The following ARHGAP8 variants were observed in gnomAD, a reference collection of about 807,000 sequenced individuals.
ARHGAP8 encodes Rho GTPase activating protein 8, also known as rho GTPase-activating protein 8.
In ARHGAP8, 62 loss-of-function variants were observed where a neutral mutation model predicts 46.1. That is an observed-to-expected ratio of 1.34 (90% confidence interval 1.10 to 1.66). The LOEUF (loss-of-function observed/expected upper bound fraction) is 1.66, where lower values mean the gene tolerates loss of function less well. Among genes scored for constraint, ARHGAP8 ranks in the 40% most tolerant of loss-of-function variants. The pLI is 0.00. For synonymous variants in ARHGAP8, 375 were observed against 243.1 expected (o/e 1.54, Z -5.05); for missense variants, 923 against 568.4 (o/e 1.62, Z -6.34).
intron 9 of ARHGAP8, among the ~76,000 whole-genome samples, 189 bp downstream of exon 9, chr22:44,848,239 G>T (rs1473684749): frequency 6.6e-6 from 1 of 152,238 alleles, no homozygotes; most frequent in Non-Finnish European, 1.5e-5. Flanking sequence ...GGGACCTTTT[G>T]TCCAGACCCC....
intron 7 of ARHGAP8, among the ~76,000 whole-genome samples, chr22:44,832,487 A>G (rs1931015789): frequency 6.6e-6 from 1 of 152,034 alleles, no homozygotes; most frequent in Admixed American, 6.6e-5. Flanking sequence ...CAGCCTCCCA[A>G]AGTGCTCAGA....
intron 10 of ARHGAP8, among the ~76,000 whole-genome samples, chr22:44,855,213 GAAA>G (rs2070191912): frequency 1.3e-5 from 2 of 151,968 alleles, no homozygotes; most frequent in South Asian, 2.1e-4. Flanking sequence ...GATCTGCAAA[GAAA>G]AAAAGAATTT....
intron 8 of ARHGAP8, among the ~76,000 whole-genome samples, chr22:44,847,390 TCTAAAC>T (rs2069984170): frequency 1.3e-5 from 2 of 152,256 alleles, no homozygotes; most frequent in South Asian, 4.1e-4. Context: ...ATCTTCACTG[TCTAAAC>T]AGCAGCCACC....
intron 2 of ARHGAP8, 84 bp downstream of exon 2, chr22:44,786,690 G>T: frequency 6.6e-7 from 1 of 1,508,574 alleles, no homozygotes; most frequent in Non-Finnish European, 8.9e-7. Flanking sequence ...GGGCTCGTCA[G>T]GGGCTGCCTC....
At position 44,837,767 on chromosome 22, in the gene ARHGAP8, C is replaced by T. The variant is rs138833561; in HGVS notation, c.597-7502C>T. Among the ~76,000 whole-genome samples, 175 of 152,142 alleles carry T rather than the reference C, an allele frequency of 1.2e-3. 1 individual carries two copies. The highest frequency in any genetic ancestry group is 3.9e-3 in the African/African-American group (162 of 41,498). ...TCTATGGAGAGTAGTAATTCGATGC[C>T]GGGGCCCTGTTCTTCCGCTAGCTGT... On this transcript the variant is annotated intron_variant, in intron 7 of 11. Coordinates refer to ENST00000356099, the MANE Select transcript of ARHGAP8 (RefSeq NM_181335.3).
rs927534084 is a variant in ARHGAP8 at position 44,859,926 on chromosome 22, T to TCTGGGGTCATGCCCTGCTTGGGC, written c.981+95_981+117dup. ...GGACCAGTCCCCTCCTTGCCCTGGG[T>TCTGGGGTCATGCCCTGCTTGGGC]CTGGGGTCATGCCCTGCTTGGGCCT... is the stretch of plus-strand genomic sequence containing the variant. On this transcript the variant is annotated intron_variant, in intron 11 of 11. Transcript: ENST00000356099. 3.5e-6 allele frequency: 5 copies of TCTGGGGTCATGCCCTGCTTGGGC among 1,434,808 alleles called. No homozygotes were observed. In the African/African-American group the frequency reaches 7.0e-5, roughly 20 times the overall value. The allele number at this position is 1,434,808 out of a possible 1,614,324, so 88.9% of individuals were successfully genotyped here.
intron 10 of ARHGAP8, chr22:44,849,279 T>A: frequency 1.2e-6 from 1 of 839,316 alleles, no homozygotes; most frequent in Non-Finnish European, 1.8e-6. Context: ...GTGGGGTCGG[T>A]CAGGGTTGTC....
At chr22:44,860,501 G>C (rs930630795) in intron 11 of ARHGAP8, among the ~76,000 whole-genome samples, 29 of 151,520 alleles carry the variant, frequency 1.9e-4, no homozygotes, top group Admixed American at 1.4e-3. Flanking sequence ...TATGTCACTG[G>C]GTTTAGGACC....
At chr22:44,849,112 C>T (rs929530649) in intron 10 of ARHGAP8, 52 bp downstream of exon 10, 2 of 1,607,458 alleles carry the variant, frequency 1.2e-6, no homozygotes, top group Admixed American at 3.3e-5. Flanking sequence ...CAGATGCTGT[C>T]CCCCAGCTAC....
chr22:44,776,409 GC>G (rs1926422273), intron 1 of ARHGAP8, among the ~76,000 whole-genome samples: 1 of 150,880 alleles, frequency 6.6e-6, no homozygotes, highest in African/African-American at 2.4e-5. Context: ...CTGAGGTCGC[GC>G]CATTGCACTC....
At position 44,791,533 on chromosome 22, in the gene ARHGAP8, G is replaced by A. The variant is rs553180101; in HGVS notation, c.79+4927G>A. 7.9e-5 allele frequency among the ~76,000 whole-genome samples: 12 copies of A among 152,016 alleles called. No individual in the cohort carries two copies. In the South Asian group the frequency reaches 8.3e-4, roughly 11 times the overall value. Reference sequence around the variant, plus strand: ...AGCCTGACCAATATGGTGAAACCCCGTATGTACTAAAAATACACAAATTAG... The same window carrying A: ...AGCCTGACCAATATGGTGAAACCCCATATGTACTAAAAATACACAAATTAG... On this transcript the variant is annotated intron_variant, in intron 2 of 11. Transcript: ENST00000356099.
At chr22:44,778,695 T>G (rs941562260) in intron 1 of ARHGAP8, among the ~76,000 whole-genome samples, 1 of 152,196 alleles carries the variant, frequency 6.6e-6, no homozygotes, top group African/African-American at 2.4e-5. Context: ...ATCTATTATT[T>G]TATGATTTTT....
chr22:44,860,989 A>G (rs1020161119), intron 11 of ARHGAP8, among the ~76,000 whole-genome samples: 3 of 126,526 alleles, frequency 2.4e-5, no homozygotes, highest in Non-Finnish European at 5.3e-5. Context: ...GAGGCCCAAA[A>G]CTAAACTCTC....
intron 2 of ARHGAP8, among the ~76,000 whole-genome samples, chr22:44,788,091 TTA>T (rs1417869799): frequency 5.8e-5 from 7 of 121,422 alleles, no homozygotes; most frequent in East Asian, 2.7e-4. Context: ...AAAATTTTTA[TTA>T]TATGTTATTA....
intron 10 of ARHGAP8, among the ~76,000 whole-genome samples, chr22:44,852,076 A>C (rs1260731956): frequency 1.3e-5 from 2 of 150,694 alleles, no homozygotes. Flanking sequence ...CTGTAATCCT[A>C]GCTACTCAGG....
intron 1 of ARHGAP8, among the ~76,000 whole-genome samples, chr22:44,772,377 A>G (rs1354719536): frequency 7.9e-6 from 1 of 126,858 alleles, no homozygotes; most frequent in Non-Finnish European, 1.6e-5. Flanking sequence ...TTAAGTAGAG[A>G]CAGGGTTTCG....
intron 1 of ARHGAP8, among the ~76,000 whole-genome samples, chr22:44,785,500 C>G (rs1927151751): frequency 6.6e-6 from 1 of 152,162 alleles, no homozygotes; most frequent in Non-Finnish European, 1.5e-5. Flanking sequence ...ACACCCTCCC[C>G]TTGTATCTCC....
chr22:44,825,903 G>A (rs527726734), intron 7 of ARHGAP8, among the ~76,000 whole-genome samples: 12 of 129,534 alleles, frequency 9.3e-5, no homozygotes, highest in Non-Finnish European at 1.7e-4. Context: ...TCCGTGCCTC[G>A]TTGGGGGGGC....
chr22:44,839,675 G>A (rs556704433), intron 7 of ARHGAP8, among the ~76,000 whole-genome samples: 3 of 152,156 alleles, frequency 2.0e-5, no homozygotes, highest in Non-Finnish European at 4.4e-5. Flanking sequence ...CTCATGAAAC[G>A]ATGGTGGAAA....
Sources: allele counts gnomAD v4.1 joint callset (sites outside exome capture counted in the v4.1 genomes callset), GRCh38; gene constraint gnomAD v4.1.1; transcripts MANE v1.5; gene names NCBI Gene and HGNC (gene_info 2026-07-23, HGNC 2026-07-21).